Variants in FBXL13 observed in about 807,000 individuals in gnomAD.
FBXL13 encodes the protein F-box and leucine rich repeat protein 13.
FBXL13 carries 67 observed loss-of-function variants against 83.6 expected under a neutral mutation model. That is an observed-to-expected ratio of 0.80 (90% CI 0.66 to 0.98). The LOEUF (loss-of-function observed/expected upper bound fraction) is 0.98, where lower values mean the gene tolerates loss of function less well. FBXL13 is among the 50% of genes least tolerant of loss of function. The pLI, the probability that FBXL13 is intolerant of heterozygous loss-of-function variation, is 0.00. For synonymous variants in FBXL13, 272 were observed against 299.5 expected (o/e 0.91, Z 0.95); for missense variants, 822 against 866.5 (o/e 0.95, Z 0.64).
At chr7:103,068,723 T>A (rs938710913) in intron 1 of FBXL13, among the ~76,000 whole-genome samples, 2 of 151,778 alleles carry the variant, frequency 1.3e-5, no homozygotes, top group Non-Finnish European at 2.9e-5. Context: ...GGCACGGGGG[T>A]AACATGACAG....
intron 5 of FBXL13, 103 bp downstream of exon 6, chr7:103,027,346 A>G: frequency 2.9e-6 from 2 of 698,258 alleles, no homozygotes; most frequent in South Asian, 4.5e-5. Flanking sequence ...AGTAGATAAT[A>G]TTCAGGATTT....
At chr7:102,916,968 A>G (rs1816013520) in intron 10 of FBXL13, among the ~76,000 whole-genome samples, 1 of 152,116 alleles carries the variant, frequency 6.6e-6, no homozygotes, top group Non-Finnish European at 1.5e-5. Context: ...TAACACCTGA[A>G]GGACTTACTA....
chr7:102,852,539 A>G (rs1805420927), intron 17 of FBXL13, among the ~76,000 whole-genome samples: 1 of 152,236 alleles, frequency 6.6e-6, no homozygotes, highest in South Asian at 2.1e-4. Context: ...ATGAACAGAC[A>G]ATTCTCAAAA....
intron 10 of FBXL13, among the ~76,000 whole-genome samples, chr7:102,916,800 G>GA (rs371101558): frequency 6.7e-6 from 1 of 149,518 alleles, no homozygotes; most frequent in Non-Finnish European, 1.5e-5. Context: ...ATGGGGGGGG[G>GA]TGTGAGTCCT....
intron 2 of FBXL13, among the ~76,000 whole-genome samples, chr7:103,033,583 T>C (rs1220444156): frequency 2.0e-5 from 3 of 152,150 alleles, no homozygotes; most frequent in South Asian, 2.1e-4. Context: ...ATGAGTGTTA[T>C]AGCTCTTAAG....
chr7:103,024,445 T>C (rs541385666), intron 6 of FBXL13, among the ~76,000 whole-genome samples: 22 of 150,128 alleles, frequency 1.5e-4, no homozygotes, highest in African/African-American at 5.2e-4. Flanking sequence ...GAGAATCGCT[T>C]GAACCCAGGA....
chr7:103,070,053 T>TGGGC (rs1185599785), intron 1 of FBXL13, among the ~76,000 whole-genome samples: 2 of 134,346 alleles, frequency 1.5e-5, no homozygotes, highest in Non-Finnish European at 3.1e-5. Context: ...CACTCCAGCC[T>TGGGC]GGGCGACAGT....
chr7:102,890,905 G>A (rs1811458144), intron 11 of FBXL13, among the ~76,000 whole-genome samples: 1 of 152,152 alleles, frequency 6.6e-6, no homozygotes, highest in Non-Finnish European at 1.5e-5. Context: ...TCACAGCACT[G>A]CATCCAATGA....
intron 14 of FBXL13, among the ~76,000 whole-genome samples, chr7:102,882,664 A>G (rs1355103682): frequency 6.6e-6 from 1 of 152,158 alleles, no homozygotes; most frequent in Non-Finnish European, 1.5e-5. Flanking sequence ...CAGGAGGCTG[A>G]GGCTAGAGAA....
At chr7:102,900,601 C>A (rs1812845083) in intron 11 of FBXL13, among the ~76,000 whole-genome samples, 1 of 152,170 alleles carries the variant, frequency 6.6e-6, no homozygotes, top group Admixed American at 6.5e-5. Flanking sequence ...GATAGAGCCT[C>A]CTCAAAAGAC....
chr7:103,039,625 C>G (rs1408326329), intron 2 of FBXL13, among the ~76,000 whole-genome samples: 1 of 152,128 alleles, frequency 6.6e-6, no homozygotes, highest in Non-Finnish European at 1.5e-5. Flanking sequence ...AACAGGGGAT[C>G]TCTCGGCGGA....
chr7:102,959,717 T>C (rs56938507), intron 8 of FBXL13, among the ~76,000 whole-genome samples: 33 of 151,978 alleles, frequency 2.2e-4, no homozygotes, highest in Non-Finnish European at 3.4e-4. Flanking sequence ...TCAAAGGATA[T>C]ATAGGTTAAA....
intron 2 of FBXL13, chr7:103,031,344 T>G (rs1346233063): frequency 6.6e-6 from 1 of 152,238 alleles, no homozygotes; most frequent in African/African-American, 2.4e-5. Flanking sequence ...ATTCTTCCTC[T>G]CACCTTTTAA....
chr7:102,873,854 T>C (rs1808868860), intron 16 of FBXL13, among the ~76,000 whole-genome samples: 1 of 152,182 alleles, frequency 6.6e-6, no homozygotes, highest in South Asian at 2.1e-4. Flanking sequence ...ACAGAACACC[T>C]TTCTTCTCTG....
At position 102,964,317 on chromosome 7, in the gene FBXL13, A is replaced by AT. The variant is rs202002491; in HGVS notation, c.592-653_592-652insA. ...CAGAGCAAAACTCCAACTCAAAAAA[A>AT]AAATAAATAAATAGATAGAGCTAAG... is the stretch of plus-strand genomic sequence containing the variant. On this transcript the variant is annotated intron_variant, in intron 7 of 19. Coordinates refer to ENST00000313221, the Ensembl canonical transcript of FBXL13. Among the ~76,000 whole-genome samples the AT allele has an allele frequency of 1.9e-3, 292 of 151,516 alleles. 3 individuals are homozygous for AT. Among genetic ancestry groups the AT allele is most frequent in the Admixed American group, 0.015 (234 of 15,174 alleles).
intron 11 of FBXL13, among the ~76,000 whole-genome samples, chr7:102,895,030 T>C (rs1482154624): frequency 2.0e-5 from 3 of 152,292 alleles, no homozygotes. Flanking sequence ...TTGCTAAGGA[T>C]ACAGATACAC....
chr7:102,830,844 T>A (rs908162156), intron 18 of FBXL13, among the ~76,000 whole-genome samples: 1 of 152,248 alleles, frequency 6.6e-6, no homozygotes, highest in Admixed American at 6.5e-5. Context: ...TTAGTTTTCT[T>A]CCTTCTTCAT....
At chr7:102,866,382 A>G (rs139718805) in intron 16 of FBXL13, among the ~76,000 whole-genome samples, 130 of 152,284 alleles carry the variant, frequency 8.5e-4, no homozygotes, top group African/African-American at 3.0e-3. Flanking sequence ...TGGGACCAAC[A>G]TAGTCATGTA....
chr7:103,069,102 C>T (rs1309936453), intron 1 of FBXL13, among the ~76,000 whole-genome samples: 1 of 151,816 alleles, frequency 6.6e-6, no homozygotes, highest in Non-Finnish European at 1.5e-5. Flanking sequence ...TGAGGAGCAC[C>T]TCTGCCTGGC....
Sources: allele counts gnomAD v4.1 joint callset (sites outside exome capture counted in the v4.1 genomes callset), GRCh38; gene constraint gnomAD v4.1.1; transcripts MANE v1.5; gene names NCBI Gene and HGNC (gene_info 2026-07-23, HGNC 2026-07-21).